DNAJC1: variants seen among roughly 807,000 people sequenced by gnomAD.
DNAJC1 encodes dnaJ homolog subfamily C member 1.
Under a neutral mutation model 76.6 loss-of-function variants are expected in DNAJC1, and 58 were observed. The observed-to-expected ratio is 0.76, with a 90% CI of 0.61 to 0.94. DNAJC1 has a LOEUF of 0.94. DNAJC1 is among the 40% of genes least tolerant of loss of function. The pLI, the probability that DNAJC1 is intolerant of heterozygous loss-of-function variation, is 0.00. For missense variants in DNAJC1, 689 were observed against 677.3 expected (o/e 1.02, Z -0.19); for synonymous variants, 258 against 267.9 (o/e 0.96, Z 0.36).
intron 1 of DNAJC1, among the ~76,000 whole-genome samples, chr10:21,934,139 A>G (rs781551602): frequency 1.3e-5 from 2 of 151,938 alleles, no homozygotes; most frequent in Non-Finnish European, 2.9e-5. Flanking sequence ...ATGACATGTG[A>G]TATTAATGAT....
chr10:21,955,335 TTA>T (rs1837660259), intron 1 of DNAJC1, among the ~76,000 whole-genome samples: 1 of 152,150 alleles, frequency 6.6e-6, no homozygotes, highest in Admixed American at 6.5e-5. Flanking sequence ...AAGGTAAAAA[TTA>T]TATGAGGGGC....
intron 1 of DNAJC1, among the ~76,000 whole-genome samples, chr10:21,979,195 T>C (rs1285800102): frequency 6.6e-6 from 1 of 152,062 alleles, no homozygotes; most frequent in Non-Finnish European, 1.5e-5. Flanking sequence ...GTGCCTTCTA[T>C]TAATATAAGT....
intron 1 of DNAJC1, among the ~76,000 whole-genome samples, chr10:21,962,757 T>C (rs1837820861): frequency 6.6e-6 from 1 of 151,612 alleles, no homozygotes; most frequent in African/African-American, 2.4e-5. Flanking sequence ...GCATTTAGCA[T>C]TGAAAATCAT....
intron 1 of DNAJC1, among the ~76,000 whole-genome samples, chr10:21,942,052 T>TCATTAACTATACATATA (rs1352936340): frequency 3.7e-4 from 57 of 152,286 alleles, no homozygotes; most frequent in Middle Eastern, 3.4e-3. Context: ...CATTTGTTTC[T>TCATTAACTATACATATA]CATTAACTAT....
chr10:21,909,426 C>T (rs745437926), intron 6 of DNAJC1, among the ~76,000 whole-genome samples: 1 of 152,088 alleles, frequency 6.6e-6, no homozygotes, highest in Non-Finnish European at 1.5e-5. Flanking sequence ...TAAGATACAA[C>T]AGTTTCCCTT....
intron 7 of DNAJC1, among the ~76,000 whole-genome samples, chr10:21,886,720 A>C (rs913182612): frequency 1.5e-4 from 23 of 152,130 alleles, no homozygotes; most frequent in African/African-American, 5.5e-4. Context: ...TAAAGACAAA[A>C]ACTGCATGAT....
In DNAJC1 at chr10:21,920,780, T is replaced by C. The variant is rs1564827651; in HGVS notation, c.537+18A>G. 1.9e-6 allele frequency: 3 copies of C among 1,582,194 alleles called. No individual in the cohort carries two copies. Among genetic ancestry groups the C allele is most frequent in the Non-Finnish European group, 2.6e-6 (3 of 1,163,126 alleles). On this transcript the variant is annotated intron_variant, in intron 4 of 11. Coordinates refer to ENST00000376980, the MANE Select transcript of DNAJC1 (RefSeq NM_022365.4). ...AAATTAAGGAGGCTAGTTCATTTGA[T>C]TTATTACTAACACTTACCAGTTGTT...
At chr10:21,797,169 A>G (rs1834758933) in intron 9 of DNAJC1, among the ~76,000 whole-genome samples, 1 of 152,096 alleles carries the variant, frequency 6.6e-6, no homozygotes. Flanking sequence ...GCATGTGGAC[A>G]TTAAGTTTTC....
At chr10:21,996,999 T>TA (rs1205463044) in intron 1 of DNAJC1, among the ~76,000 whole-genome samples, 15 of 151,884 alleles carry the variant, frequency 9.9e-5, no homozygotes, top group Non-Finnish European at 1.5e-4. Context: ...TTCTCCAAAT[T>TA]AAAAAAAATT....
rs762015186 is a variant in DNAJC1, at chr10:21,756,679, C to T, written c.*8G>A. On this transcript the variant is annotated 3_prime_UTR_variant, in exon 12 of 12. Coordinates refer to ENST00000376980, the MANE Select transcript of DNAJC1 (RefSeq NM_022365.4). ...GAAAATGAAGGTGAACATCATCTCC[C>T]AGAATATTCAGCTTTTAGCTTGTTT... 5 of 1,606,432 alleles carry T rather than the reference C, an allele frequency of 3.1e-6. No homozygotes were observed. The highest frequency in any genetic ancestry group is 1.7e-5 in the Admixed American group (1 of 59,986).
At chr10:21,805,844 G>GAGAA in intron 9 of DNAJC1, 136 bp downstream of exon 9, 1 of 1,079,986 alleles carries the variant, frequency 9.3e-7, no homozygotes, top group Non-Finnish European at 1.3e-6. Context: ...TTGCATTAAT[G>GAGAA]GTTCACTTTC....
Position 21,987,333 on chromosome 10 carries a change from A to G in DNAJC1, c.222+15880T>C, listed in dbSNP as rs117499957. 7.7e-3 allele frequency among the ~76,000 whole-genome samples: 1,167 copies of G among 152,302 alleles called. 20 individuals are homozygous for G. The highest frequency in any genetic ancestry group is 0.017 in the Middle Eastern group (5 of 294). On this transcript the variant is annotated intron_variant, in intron 1 of 11. Transcript: ENST00000376980. ...GTACAGCTCTAAACCTTTAAGCACT[A>G]TGAGGATTTAAAGAGTAAATACAAT...
At chr10:21,831,114 G>A (rs998979427) in intron 8 of DNAJC1, among the ~76,000 whole-genome samples, 2 of 152,104 alleles carry the variant, frequency 1.3e-5, no homozygotes, top group Non-Finnish European at 2.9e-5. Context: ...GGGGTAGTGG[G>A]GGTGGTCTTT....
rs1028881828 is a variant in DNAJC1 at position 22,003,701 on chromosome 10, A to T, written c.-267T>A. On this transcript the variant is annotated 5_prime_UTR_variant, in exon 1 of 12. Transcript: ENST00000376980. ...CCCCCAGGCCTACACACAGCTGTAGAGGCAGCGCCCGGCGCCTGGGCTGCA... is the reference window on the plus strand; with the variant it reads ...CCCCCAGGCCTACACACAGCTGTAGTGGCAGCGCCCGGCGCCTGGGCTGCA... The T allele has an allele frequency of 2.8e-6, 1 of 360,548 alleles. No homozygotes were observed. The allele number at this position is 360,548 out of a possible 1,614,324, so 22.3% of individuals were successfully genotyped here.
intron 10 of DNAJC1, among the ~76,000 whole-genome samples, chr10:21,765,843 C>CA (rs11395428): frequency 0.59 from 90,022 of 151,572 alleles, 28,831 homozygotes; most frequent in East Asian, 0.95. Context: ...GACTCCGTCT[C>CA]AAAAAAAAGG....
chr10:21,813,979 A>G (rs1405678569), intron 8 of DNAJC1, among the ~76,000 whole-genome samples: 1 of 152,172 alleles, frequency 6.6e-6, no homozygotes, highest in Non-Finnish European at 1.5e-5. Context: ...AGCATTCATG[A>G]AACTGTAGCA....
At chr10:21,880,380 G>C (rs1836254849) in intron 8 of DNAJC1, among the ~76,000 whole-genome samples, 1 of 152,132 alleles carries the variant, frequency 6.6e-6, no homozygotes, top group Non-Finnish European at 1.5e-5. Context: ...TTCCCAGAAA[G>C]TTTTCAATTT....
Position 22,003,352 on chromosome 10 carries a change from C to CGCGGCGGCG in DNAJC1, c.74_82dup (p.Pro25_Pro27dup). 1 of 1,424,952 alleles carries CGCGGCGGCG rather than the reference C, an allele frequency of 7.0e-7. No homozygotes were observed. The highest frequency in any genetic ancestry group is 9.1e-7 in the Non-Finnish European group (1 of 1,092,958). The allele number at this position is 1,424,952 out of a possible 1,614,324, so 88.3% of individuals were successfully genotyped here. A position where few individuals can be genotyped will look rare whatever the true frequency, so the allele number is the denominator to read the frequency against. ...CAGCAGCAGCCACAGCAGCGGCGTC[C>CGCGGCGGCG]GCGGCGGCGGCGGCGGGAACGGCAC... On this transcript the variant is annotated inframe_insertion, in exon 1 of 12. Coordinates refer to ENST00000376980, the MANE Select transcript of DNAJC1 (RefSeq NM_022365.4).
chr10:21,911,846 A>G (rs906762594), intron 6 of DNAJC1, among the ~76,000 whole-genome samples: 3 of 152,186 alleles, frequency 2.0e-5, no homozygotes, highest in Admixed American at 1.3e-4. Context: ...AGTAAATTAC[A>G]TGGGATATTC....
Sources: gnomAD v4.1 joint callset for allele counts (sites outside exome capture counted in the v4.1 genomes callset) on GRCh38, gnomAD v4.1.1 for gene constraint, MANE v1.5 for transcripts, NCBI Gene and HGNC (gene_info 2026-07-23, HGNC 2026-07-21) for gene names.